The following CRISP1 variants were observed in gnomAD, a reference collection of about 807,000 sequenced individuals.
CRISP1 encodes the protein cysteine-rich secretory protein 1.
A neutral mutation model predicts 33.1 loss-of-function variants in CRISP1; 44 were observed. The ratio of observed to expected loss-of-function variants is 1.33; its 90% CI spans 1.05 to 1.71. The LOEUF is 1.71. CRISP1 is among the 40% of genes most tolerant of loss of function. The probability of loss-of-function intolerance (pLI) is 0.00; values close to 1 mark genes in which losing one functional copy is unlikely to be tolerated. For synonymous variants in CRISP1, 103 were observed against 98.7 expected (o/e 1.04, Z -0.26); for missense variants, 390 against 301.2 (o/e 1.29, Z -2.18).
chr6:49,869,684 C>T (rs1771879209), upstream of CRISP1, among the ~76,000 whole-genome samples: 1 of 152,062 alleles, frequency 6.6e-6, no homozygotes, highest in Non-Finnish European at 1.5e-5. Flanking sequence ...TCCTTTCTTT[C>T]CCAGGAGTAA....
At chr6:49,875,990 A>G (rs1482102774) in intron 1 of CRISP1, among the ~76,000 whole-genome samples, 1 of 152,200 alleles carries the variant, frequency 6.6e-6, no homozygotes, top group African/African-American at 2.4e-5. Flanking sequence ...GGCATGGGCA[A>G]AGATGTCATG....
chr6:49,852,050 T>C lies in CRISP1; in HGVS notation c.146A>G (p.Asn49Ser). ...NVQEEIVNIH[N>S]ALRRRVVPPA... Reference sequence around the variant, plus strand: ...TGGAACTACTCTTCTCCTGAGGGCGTTGTGTATATTAACGATCTCTTCTTG... The same window carrying C: ...TGGAACTACTCTTCTCCTGAGGGCGCTGTGTATATTAACGATCTCTTCTTG... Residue 49 changes from asparagine (N) to serine (S), a missense_variant, in exon 3 of 8, where the codon AAC becomes AGC. By Grantham distance (46) the Asn-to-Ser change is conservative. Coordinates refer to ENST00000335847, the MANE Select transcript of CRISP1 (RefSeq NM_001131.3). The C allele has an allele frequency of 6.2e-7, 1 of 1,613,166 alleles. No homozygotes were observed. The highest frequency in any genetic ancestry group is 1.1e-5 in the South Asian group (1 of 90,964).
At chr6:49,849,034 G>A (rs1026923354) in intron 3 of CRISP1, among the ~76,000 whole-genome samples, 2 of 152,256 alleles carry the variant, frequency 1.3e-5, no homozygotes, top group East Asian at 1.9e-4. Flanking sequence ...TGGCTTCAGA[G>A]TATGTGTTCT....
chr6:49,842,799 A>T (rs548911300), intron 5 of CRISP1, among the ~76,000 whole-genome samples: 1 of 152,262 alleles, frequency 6.6e-6, no homozygotes, highest in South Asian at 2.1e-4. Flanking sequence ...CTTGACTAGG[A>T]TTCAGATCTG....
In CRISP1 at chr6:49,838,532, T is replaced by TA. The variant is rs577361395; in HGVS notation, c.534-8dup. ...TGTTTCAGGATCATTTCCCCTTGAA[T>TA]AAAAAAAAGTGATTTCATAAAACCC... On this transcript the variant is annotated splice_polypyrimidine_tract_variant and splice_region_variant and intron_variant, in intron 6 of 7. Transcript: ENST00000335847. 3.9e-4 allele frequency: 623 copies of TA among 1,603,242 alleles called. 1 individual carries two copies. The highest frequency in any genetic ancestry group is 5.8e-4 in the African/African-American group (43 of 74,312).
intron 1 of CRISP1, among the ~76,000 whole-genome samples, chr6:49,876,825 G>GCAT (rs1240310380): frequency 6.6e-6 from 1 of 151,896 alleles, no homozygotes; most frequent in Non-Finnish European, 1.5e-5. Flanking sequence ...GTAAGTGGTT[G>GCAT]CTGAATGATG....
intron 3 of CRISP1, among the ~76,000 whole-genome samples, chr6:49,849,408 C>T (rs553911158): frequency 9.3e-4 from 142 of 152,246 alleles, no homozygotes; most frequent in African/African-American, 3.2e-3. Flanking sequence ...TTCTGTCCCT[C>T]CTATATAAAC....
chr6:49,873,199 A>G (rs945219252), intron 1 of CRISP1, among the ~76,000 whole-genome samples: 1 of 151,970 alleles, frequency 6.6e-6, no homozygotes, highest in African/African-American at 2.4e-5. Flanking sequence ...AAAATAAAAT[A>G]AAAAGGGATA....
chr6:49,873,682 C>T (rs2127480229), intron 1 of CRISP1, among the ~76,000 whole-genome samples: 1 of 152,084 alleles, frequency 6.6e-6, no homozygotes, highest in East Asian at 1.9e-4. Context: ...TTATTTCTTT[C>T]AAGATTATGT....
At chr6:49,876,404 G>T (rs1772036989) in intron 1 of CRISP1, among the ~76,000 whole-genome samples, 1 of 152,084 alleles carries the variant, frequency 6.6e-6, no homozygotes, top group Admixed American at 6.6e-5. Context: ...TGATAAGGTT[G>T]CAGAGAAAAA....
chr6:49,836,192 T>G (rs2127467445), intron 7 of CRISP1, among the ~76,000 whole-genome samples: 1 of 152,306 alleles, frequency 6.6e-6, no homozygotes, highest in South Asian at 2.1e-4. Flanking sequence ...CTTTTAAGAT[T>G]TTCTGACCTT....
At chr6:49,838,408 G>T in intron 7 of CRISP1, 29 bp downstream of exon 7, 1 of 1,551,198 alleles carries the variant, frequency 6.4e-7, no homozygotes, top group Non-Finnish European at 8.9e-7. Flanking sequence ...TGGGTTAACT[G>T]TAAACAAACA....
In CRISP1 at chr6:49,854,289, T is replaced by C. The variant is rs1022211491; in HGVS notation, c.67-2160A>G. On this transcript the variant is annotated intron_variant, in intron 2 of 7. Transcript: ENST00000335847. ...TTCTACCATTCCCCCAAATCTTACA[T>C]TATTTACTTTTCATTTTGTTTGCTG... is the stretch of plus-strand genomic sequence containing the variant. 2.6e-5 allele frequency among the ~76,000 whole-genome samples: 4 copies of C among 152,190 alleles called. No individual in the cohort carries two copies. The East Asian group carries it at 7.7e-4, about 29-fold the overall frequency.
intron 1 of CRISP1, among the ~76,000 whole-genome samples, chr6:49,876,152 G>T (rs1432318642): frequency 6.6e-6 from 1 of 151,966 alleles, no homozygotes; most frequent in East Asian, 1.9e-4. Flanking sequence ...ATCTGACAAA[G>T]GTCTAATATC....
intron 1 of CRISP1, among the ~76,000 whole-genome samples, chr6:49,872,428 GC>G (rs1307270348): frequency 6.6e-6 from 1 of 151,986 alleles, no homozygotes; most frequent in Non-Finnish European, 1.5e-5. Context: ...GTCAATTTTG[GC>G]TTTTGTTGCC....
intron 7 of CRISP1, among the ~76,000 whole-genome samples, chr6:49,837,984 G>A (rs1369216538): frequency 2.0e-5 from 3 of 151,982 alleles, no homozygotes; most frequent in South Asian, 2.1e-4. Flanking sequence ...GAAGAATAAG[G>A]ATCACTCAGT....
intron 1 of CRISP1, among the ~76,000 whole-genome samples, chr6:49,860,843 CA>C (rs935348936): frequency 5.3e-5 from 8 of 151,704 alleles, no homozygotes; most frequent in African/African-American, 1.9e-4. Flanking sequence ...AAAATATAAA[CA>C]AGACCAATAG....
At chr6:49,853,459 C>A (rs1156325497) in intron 2 of CRISP1, among the ~76,000 whole-genome samples, 1 of 152,110 alleles carries the variant, frequency 6.6e-6, no homozygotes, top group East Asian at 1.9e-4. Context: ...TGAATCCAAC[C>A]CTTTGATGTC....
chr6:49,860,126 A>G (rs948078441), intron 1 of CRISP1, among the ~76,000 whole-genome samples: 3 of 152,262 alleles, frequency 2.0e-5, no homozygotes, highest in Admixed American at 2.0e-4. Context: ...TATAAAGCAA[A>G]TATTATTATA....
Sources: allele counts gnomAD v4.1 joint callset (sites outside exome capture counted in the v4.1 genomes callset), GRCh38; gene constraint gnomAD v4.1.1; transcripts MANE v1.5; gene names NCBI Gene and HGNC (gene_info 2026-07-23, HGNC 2026-07-21).